The following GPC5 variants were observed in gnomAD, a reference collection of about 807,000 sequenced individuals.
GPC5 encodes glypican 5.
GPC5 carries 47 observed loss-of-function variants against 53.9 expected under a neutral mutation model. The ratio of observed to expected loss-of-function variants is 0.87; its 90% confidence interval spans 0.69 to 1.11. The LOEUF is 1.11. Ranked by LOEUF, GPC5 falls within the 50% of genes most tolerant of loss-of-function variation. The probability of loss-of-function intolerance (pLI) is 0.00; values close to 1 mark genes in which losing one functional copy is unlikely to be tolerated. For synonymous variants in GPC5, 286 were observed against 263.3 expected (o/e 1.09, Z -0.84); for missense variants, 748 against 713.1 (o/e 1.05, Z -0.56).
intron 7 of GPC5, among the ~76,000 whole-genome samples, chr13:92,803,526 G>T (rs1357309791): frequency 1.3e-5 from 2 of 151,788 alleles, no homozygotes; most frequent in African/African-American, 4.8e-5. Context: ...TCATACTGGA[G>T]AATTACTATA....
rs191444401 is a variant in GPC5, at chr13:92,074,153, G to T, written c.1402-70677G>T. ...GAGGACACAAGTTTTGTGAACAGTG[G>T]GAGCAGAAGCCAAATCGCTGTAGAT... On this transcript the variant is annotated intron_variant, in intron 6 of 7. Coordinates refer to ENST00000377067, the MANE Select transcript of GPC5 (RefSeq NM_004466.6). Among the ~76,000 whole-genome samples, 1,181 of 152,252 alleles carry T rather than the reference G, an allele frequency of 7.8e-3. 9 individuals are homozygous for T. Among genetic ancestry groups the T allele is most frequent in the Non-Finnish European group, 0.013 (866 of 68,028 alleles).
At chr13:92,787,133 G>A (rs912572580) in intron 7 of GPC5, among the ~76,000 whole-genome samples, 1 of 152,014 alleles carries the variant, frequency 6.6e-6, no homozygotes, top group Non-Finnish European at 1.5e-5. Context: ...CTCAAGATAG[G>A]TCCACAGAAA....
chr13:92,411,192 C>T (rs1876027778), intron 7 of GPC5, among the ~76,000 whole-genome samples: 1 of 152,120 alleles, frequency 6.6e-6, no homozygotes, highest in Non-Finnish European at 1.5e-5. Context: ...ATCACTTGAG[C>T]CTGGGAGGCA....
chr13:92,052,361 C>G lies in GPC5; in HGVS notation c.1402-92469C>G, dbSNP rs573074680. Among the ~76,000 whole-genome samples, 44 of 152,240 alleles carry G rather than the reference C, an allele frequency of 2.9e-4. 1 individual carries two copies. The highest frequency in any genetic ancestry group is 9.6e-4 in the African/African-American group (40 of 41,548). On this transcript the variant is annotated intron_variant, in intron 6 of 7. Transcript: ENST00000377067. ...TTACAGCTCTTAAAGGTGGCACAGA[C>G]CCAAAGAGTGAGCAGCGGCAAGATT...
chr13:92,111,820 T>G (rs2041559458), intron 6 of GPC5, among the ~76,000 whole-genome samples: 1 of 152,208 alleles, frequency 6.6e-6, no homozygotes, highest in African/African-American at 2.4e-5. Flanking sequence ...TAAAGAATCT[T>G]GTCCAGCCAA....
chr13:92,663,604 ATATATATATCTACTATATATATAC>A (rs764472877), intron 7 of GPC5, among the ~76,000 whole-genome samples: 31,247 of 141,132 alleles, frequency 0.22, 4,028 homozygotes, highest in South Asian at 0.37. Context: ...TCTACTATAT[ATATATATATCTACTATATATATAC>A]TATATATACA....
intron 1 of GPC5, among the ~76,000 whole-genome samples, chr13:91,409,902 A>C (rs1184502839): frequency 6.6e-6 from 1 of 152,062 alleles, no homozygotes; most frequent in Non-Finnish European, 1.5e-5. Context: ...TGTGTTTCCC[A>C]TCTTTATGTG....
At chr13:92,654,570 G>T (rs1594386386) in intron 7 of GPC5, among the ~76,000 whole-genome samples, 2 of 151,298 alleles carry the variant, frequency 1.3e-5, no homozygotes, top group Non-Finnish European at 3.0e-5. Context: ...AATTCTGTCA[G>T]TCAGTGATTC....
At chr13:92,154,120 G>A (rs1005538062) in intron 7 of GPC5, among the ~76,000 whole-genome samples, 4 of 152,156 alleles carry the variant, frequency 2.6e-5, no homozygotes, top group African/African-American at 9.7e-5. Flanking sequence ...CAAAGGGAGT[G>A]CCAGTGTATC....
intron 5 of GPC5, among the ~76,000 whole-genome samples, chr13:91,806,678 C>T (rs1217541205): frequency 6.6e-6 from 1 of 152,130 alleles, no homozygotes; most frequent in African/African-American, 2.4e-5. Flanking sequence ...TAATAAAGTG[C>T]TCCTGTGTTT....
intron 6 of GPC5, among the ~76,000 whole-genome samples, chr13:92,127,210 C>G (rs1233078636): frequency 6.6e-6 from 1 of 151,788 alleles, no homozygotes; most frequent in African/African-American, 2.4e-5. Context: ...GTGAGAGCAG[C>G]CTTAAAAGGA....
intron 5 of GPC5, among the ~76,000 whole-genome samples, chr13:91,832,269 A>C (rs2038669171): frequency 6.7e-6 from 1 of 148,764 alleles, no homozygotes; most frequent in Non-Finnish European, 1.5e-5. Flanking sequence ...AAGTCTTATC[A>C]GAGGCTAGGA....
At chr13:92,016,092 C>T (rs2036983276) in intron 6 of GPC5, among the ~76,000 whole-genome samples, 2 of 152,126 alleles carry the variant, frequency 1.3e-5, no homozygotes, top group Admixed American at 1.3e-4. Context: ...TACATGACCA[C>T]ATTTAGATAA....
intron 7 of GPC5, among the ~76,000 whole-genome samples, chr13:92,520,565 T>G (rs1158122078): frequency 6.6e-6 from 1 of 152,108 alleles, no homozygotes; most frequent in Non-Finnish European, 1.5e-5. Flanking sequence ...AAAAGGCCTT[T>G]GACAAAATTC....
At chr13:91,896,912 C>G (rs1034733271) in intron 5 of GPC5, among the ~76,000 whole-genome samples, 1 of 152,050 alleles carries the variant, frequency 6.6e-6, no homozygotes. Flanking sequence ...CTGTTACATA[C>G]GTAGATTGTT....
At chr13:92,479,675 G>C (rs1233327216) in intron 7 of GPC5, among the ~76,000 whole-genome samples, 1 of 152,152 alleles carries the variant, frequency 6.6e-6, no homozygotes, top group African/African-American at 2.4e-5. Context: ...CCTGTAGAAA[G>C]TAAGACATTG....
chr13:92,548,091 A>G (rs7992456), intron 7 of GPC5, among the ~76,000 whole-genome samples: 63,694 of 149,372 alleles, frequency 0.43, 14,173 homozygotes, highest in African/African-American at 0.56. Context: ...CGCCCGCCTC[A>G]GCCTCCCAAA....
chr13:92,713,586 C>T (rs953117036), intron 7 of GPC5, among the ~76,000 whole-genome samples: 19 of 142,758 alleles, frequency 1.3e-4, no homozygotes, highest in South Asian at 2.2e-4. Context: ...CCAGCTTGGA[C>T]GACAGAGCGA....
intron 5 of GPC5, among the ~76,000 whole-genome samples, chr13:91,866,679 A>G (rs1376513467): frequency 6.6e-6 from 1 of 152,166 alleles, no homozygotes; most frequent in African/African-American, 2.4e-5. Context: ...TTTTCTTTAT[A>G]AATTACCCGG....
Sources: allele counts gnomAD v4.1 joint callset (sites outside exome capture counted in the v4.1 genomes callset), GRCh38; gene constraint gnomAD v4.1.1; transcripts MANE v1.5; gene names NCBI Gene and HGNC (gene_info 2026-07-23, HGNC 2026-07-21).